Variants in IL1RAPL1 observed in about 807,000 individuals in gnomAD.
IL1RAPL1 encodes interleukin 1 receptor accessory protein like 1, also known as interleukin-1 receptor accessory protein-like 1.
A neutral mutation model predicts 48.4 loss-of-function variants in IL1RAPL1; 3 were observed. The observed-to-expected ratio is 0.06, with a 90% CI of 0.03 to 0.16. The LOEUF (loss-of-function observed/expected upper bound fraction) is 0.16. IL1RAPL1 is among the 10% of genes least tolerant of loss of function. The pLI is 1.00. For synonymous variants in IL1RAPL1, 185 were observed against 187.7 expected (o/e 0.99, Z 0.12); for missense variants, 349 against 530.6 (o/e 0.66, Z 3.36).
chrX:28,792,787 CAAAAAAAAAAA>C (rs1189410830), intron 2 of IL1RAPL1, among the ~76,000 whole-genome samples: 1 of 9,723 alleles, frequency 1.0e-4, no homozygotes, highest in African/African-American at 8.6e-4. Flanking sequence ...GACTCCATCT[CAAAAAAAAAAA>C]AAAAAAAAAA....
intron 2 of IL1RAPL1, among the ~76,000 whole-genome samples, chrX:28,895,619 G>A (rs1372970782): frequency 7.2e-5 from 8 of 111,096 alleles, no homozygotes; most frequent in Non-Finnish European, 1.5e-4. Flanking sequence ...TTAAAAGAAT[G>A]TTTTCTAAGT....
intron 5 of IL1RAPL1, among the ~76,000 whole-genome samples, chrX:29,422,599 T>G (rs1934303790): frequency 8.9e-6 from 1 of 112,335 alleles, no homozygotes. Context: ...AAGCTAATGA[T>G]GCCTGGGTTG....
chrX:29,118,205 T>C (rs1302211842), intron 2 of IL1RAPL1, among the ~76,000 whole-genome samples: 2 of 112,455 alleles, frequency 1.8e-5, no homozygotes, highest in African/African-American at 6.4e-5. Context: ...CTTACATAAA[T>C]GTAGCAGTGA....
At chrX:29,135,425 T>C (rs768361783) in intron 2 of IL1RAPL1, among the ~76,000 whole-genome samples, 2 of 112,144 alleles carry the variant, frequency 1.8e-5, no homozygotes, top group South Asian at 7.4e-4. Context: ...CATTACTGGT[T>C]CTCTCCTAAG....
At chrX:29,210,932 C>T (rs1025607722) in intron 2 of IL1RAPL1, among the ~76,000 whole-genome samples, 1 of 112,164 alleles carries the variant, frequency 8.9e-6, no homozygotes, top group Non-Finnish European at 1.9e-5. Flanking sequence ...TTTGCACGTC[C>T]GCACACTACT....
At chrX:29,014,167 C>T (rs1212546165) in intron 2 of IL1RAPL1, among the ~76,000 whole-genome samples, 4 of 111,238 alleles carry the variant, frequency 3.6e-5, no homozygotes, top group Admixed American at 9.6e-5. Flanking sequence ...ATTAGGTATG[C>T]GCCTTACAGT....
intron 5 of IL1RAPL1, among the ~76,000 whole-genome samples, chrX:29,409,209 A>G (rs1250996588): frequency 3.6e-5 from 4 of 112,303 alleles, no homozygotes; most frequent in African/African-American, 1.3e-4. Flanking sequence ...TTTACTTTGT[A>G]TGTTTGCTAA....
At chrX:29,877,669 C>T (rs890275652) in intron 6 of IL1RAPL1, among the ~76,000 whole-genome samples, 5 of 111,774 alleles carry the variant, frequency 4.5e-5, no homozygotes, top group Non-Finnish European at 9.4e-5. Flanking sequence ...AGCTCAGGAA[C>T]ATGATCCATT....
intron 2 of IL1RAPL1, among the ~76,000 whole-genome samples, chrX:28,930,728 G>A (rs1325186687): frequency 9.0e-6 from 1 of 111,607 alleles, no homozygotes; most frequent in African/African-American, 3.3e-5. Context: ...TGCAAGCTCT[G>A]CCTCCGAGGT....
chrX:29,587,219 AC>A (rs1029167610), intron 5 of IL1RAPL1, among the ~76,000 whole-genome samples: 3 of 111,203 alleles, frequency 2.7e-5, no homozygotes, highest in Admixed American at 9.7e-5. Context: ...CTCAAAACTA[AC>A]AGAATAAAAA....
rs931503105 is a variant in IL1RAPL1 at position 28,841,822 on chromosome X, T to C, written c.82+52397T>C. On this transcript the variant is annotated intron_variant, in intron 2 of 10. Coordinates refer to ENST00000378993, the MANE Select transcript of IL1RAPL1 (RefSeq NM_014271.4). ...TTATAGATTATTTAAGAGTTAAAAT[T>C]ATGATTACATGGTCACATATATTTG... Among the ~76,000 whole-genome samples, 6 of 111,432 alleles carry C rather than the reference T, an allele frequency of 5.4e-5. No individual in the cohort carries two copies. The East Asian group carries it at 1.7e-3, about 31-fold the overall frequency.
At chrX:29,693,881 G>C (rs753959204) in intron 6 of IL1RAPL1, among the ~76,000 whole-genome samples, 6 of 109,831 alleles carry the variant, frequency 5.5e-5, no homozygotes, top group African/African-American at 2.0e-4. Flanking sequence ...ATTATTGATA[G>C]GATACTTCTA....
At chrX:29,230,504 C>CA (rs60539139) in intron 2 of IL1RAPL1, among the ~76,000 whole-genome samples, 441 of 16,555 alleles carry the variant, frequency 0.027, 34 homozygotes, top group Non-Finnish European at 0.032. Context: ...GTCCCTTTAC[C>CA]AAAAAAAAAA....
At chrX:28,850,629 G>C (rs1471722786) in intron 2 of IL1RAPL1, among the ~76,000 whole-genome samples, 1 of 110,789 alleles carries the variant, frequency 9.0e-6, no homozygotes, top group Non-Finnish European at 1.9e-5. Flanking sequence ...TCTTTCATAG[G>C]TGTTCCTCTC....
At chrX:28,703,063 C>G (rs757032155) in intron 1 of IL1RAPL1, among the ~76,000 whole-genome samples, 5 of 111,564 alleles carry the variant, frequency 4.5e-5, no homozygotes, top group African/African-American at 1.6e-4. Context: ...TTGCATCAGA[C>G]AAGCTAAACT....
intron 6 of IL1RAPL1, among the ~76,000 whole-genome samples, chrX:29,907,147 A>G (rs1932649330): frequency 9.0e-6 from 1 of 111,592 alleles, no homozygotes; most frequent in African/African-American, 3.2e-5. Context: ...TGGAATGTCA[A>G]TCTATTAATT....
intron 2 of IL1RAPL1, among the ~76,000 whole-genome samples, chrX:28,809,016 T>A (rs1936761671): frequency 9.0e-6 from 1 of 110,652 alleles, no homozygotes; most frequent in Admixed American, 9.7e-5. Flanking sequence ...AAAGAGTAAA[T>A]CTATTTTTGG....
chrX:28,657,123 T>C (rs1441128850), intron 1 of IL1RAPL1, among the ~76,000 whole-genome samples: 1 of 111,432 alleles, frequency 9.0e-6, no homozygotes, highest in Non-Finnish European at 1.9e-5. Flanking sequence ...GTTATATCCG[T>C]AGCTCATTTC....
chrX:28,906,586 T>C (rs922346119), intron 2 of IL1RAPL1, among the ~76,000 whole-genome samples: 1 of 111,929 alleles, frequency 8.9e-6, no homozygotes, highest in African/African-American at 3.2e-5. Context: ...AGAGCAAATA[T>C]GAATAGAGAA....
Sources: allele counts gnomAD v4.1 joint callset (sites outside exome capture counted in the v4.1 genomes callset), GRCh38; gene constraint gnomAD v4.1.1; transcripts MANE v1.5; gene names NCBI Gene and HGNC (gene_info 2026-07-23, HGNC 2026-07-21).